Variants in POLR1C observed in about 807,000 individuals in gnomAD.
POLR1C encodes DNA-directed RNA polymerases I and III subunit RPAC1.
In POLR1C, 42 loss-of-function variants were observed where a neutral mutation model predicts 38.3. The observed-to-expected ratio is 1.10, with a 90% confidence interval of 0.86 to 1.42. The LOEUF (loss-of-function observed/expected upper bound fraction) is 1.42, where lower values mean the gene tolerates loss of function less well. Ranked by LOEUF, POLR1C falls within the 40% of genes most tolerant of loss-of-function variation. The probability of loss-of-function intolerance (pLI) is 0.00; values close to 1 mark genes in which losing one functional copy is unlikely to be tolerated. For synonymous variants in POLR1C, 163 were observed against 163.9 expected (o/e 0.99, Z 0.04); for missense variants, 507 against 450.5 (o/e 1.13, Z -1.14).
chr6:43,525,115 G>A, downstream of POLR1C: 1 of 1,574,800 alleles, frequency 6.4e-7, no homozygotes. Flanking sequence ...ACTTGTTTGA[G>A]GAGAGGCCAG....
intron 9 of POLR1C, among the ~76,000 whole-genome samples, chr6:43,536,675 G>A (rs9472072): frequency 0.019 from 2,727 of 141,524 alleles, 102 homozygotes; most frequent in African/African-American, 0.067. Context: ...TAGGAGAATC[G>A]CTTGAACCCG....
At chr6:43,543,446 G>A (rs1794802490) in intron 9 of POLR1C, among the ~76,000 whole-genome samples, 3 of 151,894 alleles carry the variant, frequency 2.0e-5, no homozygotes, top group Admixed American at 6.6e-5. Flanking sequence ...GGATAAGATC[G>A]TGCCTCAAAA....
At chr6:43,548,638 T>G (rs548519878) in intron 9 of POLR1C, among the ~76,000 whole-genome samples, 18 of 152,062 alleles carry the variant, frequency 1.2e-4, no homozygotes, top group Non-Finnish European at 1.5e-4. Context: ...CAAGGCAATT[T>G]AGGCGGAAGA....
At chr6:43,528,388 C>T (rs565376207) in intron 8 of POLR1C, among the ~76,000 whole-genome samples, 1 of 152,244 alleles carries the variant, frequency 6.6e-6, no homozygotes, top group Admixed American at 6.5e-5. Flanking sequence ...TAACCTATCC[C>T]ACATCCCTGA....
chr6:43,551,110 G>A (rs1259793128), intron 10 of POLR1C: 2 of 457,498 alleles, frequency 4.4e-6, no homozygotes, highest in Non-Finnish European at 7.4e-6. Flanking sequence ...ATTAGCCTAG[G>A]CCAGGCATGG....
At chr6:43,543,508 CTT>C (rs760466862) in intron 9 of POLR1C, among the ~76,000 whole-genome samples, 2 of 151,972 alleles carry the variant, frequency 1.3e-5, no homozygotes, top group Non-Finnish European at 2.9e-5. Flanking sequence ...TAGTAGTTAT[CTT>C]TGAGGGGCAG....
intron 9 of POLR1C, chr6:43,539,016 T>C (rs552000986): frequency 1.4e-5 from 22 of 1,545,490 alleles, no homozygotes; most frequent in South Asian, 3.3e-5. Flanking sequence ...AGGGTGGCAG[T>C]GCAGCCCTGG....
intron 2 of POLR1C, among the ~76,000 whole-genome samples, chr6:43,518,615 T>G (rs1792968233): frequency 6.6e-6 from 1 of 152,056 alleles, no homozygotes; most frequent in African/African-American, 2.4e-5. Context: ...TGGGTGGAAG[T>G]CGATCATCAG....
chr6:43,538,926 C>T, intron 9 of POLR1C: 3 of 1,241,952 alleles, frequency 2.4e-6, no homozygotes, highest in Non-Finnish European at 3.5e-6. Context: ...TTGGTAAATA[C>T]AGTCTCCTTC....
chr6:43,537,316 A>G (rs1235780854), intron 9 of POLR1C, among the ~76,000 whole-genome samples: 1 of 152,114 alleles, frequency 6.6e-6, no homozygotes, highest in African/African-American at 2.4e-5. Context: ...TCAACCTGTA[A>G]TACATACCTG....
rs1420758410 is a variant in POLR1C at position 43,529,570 on chromosome 6, AAAAG to A, written c.*225_*228del. 7 of 179,972 alleles carry A rather than the reference AAAAG, an allele frequency of 3.9e-5. 1 individual carries two copies. The highest frequency in any genetic ancestry group is 1.8e-4 in the East Asian group (1 of 5,652). 11.1% of individuals were successfully genotyped at this position (179,972 alleles called of 1,614,324 possible). On this transcript the variant is annotated 3_prime_UTR_variant, in exon 9 of 9. Transcript: ENST00000304004. Reference sequence around the variant, plus strand: ...CTCCGTCTCAAAAAAAAAAAAAAAGAAAAGAAAGAAAGAGATTCAACTATTAATA... The same window carrying A: ...CTCCGTCTCAAAAAAAAAAAAAAAGAAAAGAAAGAGATTCAACTATTAATA...
intron 3 of POLR1C, 26 bp from the exon 4 acceptor site, chr6:43,519,680 A>G (rs1793035889): frequency 6.8e-6 from 11 of 1,614,116 alleles, no homozygotes; most frequent in African/African-American, 1.3e-5. Context: ...GTTTTTGCAG[A>G]TAAGTGGTTA....
chr6:43,531,718 T>C, downstream of POLR1C: 2 of 702,498 alleles, frequency 2.8e-6, no homozygotes, highest in Non-Finnish European at 5.0e-6. Context: ...GGCTACGTGA[T>C]TTGCTGCACT....
downstream of POLR1C, among the ~76,000 whole-genome samples, chr6:43,521,994 G>C (rs2127693393): frequency 6.6e-6 from 1 of 152,184 alleles, no homozygotes; most frequent in East Asian, 1.9e-4. Flanking sequence ...CCAAACCCTA[G>C]AAAAACATTC....
chr6:43,520,868 C>T, intron 7 of POLR1C, 64 bp from the exon 8 acceptor site: 1 of 1,598,328 alleles, frequency 6.3e-7, no homozygotes, highest in African/African-American at 1.3e-5. Context: ...AAAAGTATAA[C>T]CTGGTTTGCT....
chr6:43,553,642 C>G, intron 10 of POLR1C: 1 of 1,414,262 alleles, frequency 7.1e-7, no homozygotes, highest in South Asian at 1.6e-5. Flanking sequence ...GCAGGGTAAT[C>G]TAACCCCTCT....
intron 10 of POLR1C, among the ~76,000 whole-genome samples, chr6:43,554,402 T>C (rs1410205028): frequency 6.7e-6 from 1 of 150,354 alleles, no homozygotes; most frequent in East Asian, 2.0e-4. Flanking sequence ...TGAGCCACTG[T>C]GCCCAGCCGC....
At chr6:43,528,165 A>T in intron 8 of POLR1C, 1 of 1,593,546 alleles carries the variant, frequency 6.3e-7, no homozygotes, top group Non-Finnish European at 8.5e-7. Flanking sequence ...TTACCACAGC[A>T]GGCTCCTTTG....
chr6:43,530,823 A>G (rs766876543), downstream of POLR1C: 1 of 1,611,652 alleles, frequency 6.2e-7, no homozygotes, highest in South Asian at 1.1e-5. Context: ...AGGATATGAA[A>G]ACTGTAAAGG....
Sources: gnomAD v4.1 joint callset for allele counts (sites outside exome capture counted in the v4.1 genomes callset) on GRCh38, gnomAD v4.1.1 for gene constraint, MANE v1.5 for transcripts, NCBI Gene and HGNC (gene_info 2026-07-23, HGNC 2026-07-21) for gene names.